The following IL23R variants were observed in gnomAD, a reference collection of about 807,000 sequenced individuals.
IL23R encodes the protein interleukin 23 receptor, also known as interleukin-23 receptor.
In IL23R, 34 loss-of-function variants were observed where a neutral mutation model predicts 56.9. That is an observed-to-expected ratio of 0.60 (90% confidence interval 0.45 to 0.80). IL23R has a LOEUF of 0.80. Among genes scored for constraint, IL23R ranks in the 30% least tolerant of loss-of-function variants. The pLI is 0.00. For missense variants in IL23R, 635 were observed against 730.0 expected (o/e 0.87, Z 1.50); for synonymous variants, 230 against 249.2 (o/e 0.92, Z 0.73).
Position 67,236,861 on chromosome 1 carries a change from C to G in IL23R, c.1045+59C>G, listed in dbSNP as rs1003608173. ...CTTTTAGTAATTGCCCATTTTAACC[C>G]ATCATACTGAAAAAATCACATCAGG... On this transcript the variant is annotated intron_variant, in intron 8 of 10. Transcript: ENST00000347310. The G allele has an allele frequency of 3.7e-6, 4 of 1,093,632 alleles. No homozygotes were observed. In the African/African-American group the frequency reaches 4.6e-5, roughly 13 times the overall value. 67.7% of individuals were successfully genotyped at this position (1,093,632 alleles called of 1,614,324 possible). A position where few individuals can be genotyped will look rare whatever the true frequency, so the allele number is the denominator to read the frequency against.
At chr1:67,209,539 A>T (rs988328786) in intron 6 of IL23R, among the ~76,000 whole-genome samples, 4 of 151,560 alleles carry the variant, frequency 2.6e-5, no homozygotes, top group Non-Finnish European at 4.4e-5. Flanking sequence ...CTTTTTCCTC[A>T]TTTTCTCTTG....
chr1:67,215,018 C>CT (rs1296402000), intron 6 of IL23R, among the ~76,000 whole-genome samples: 2 of 152,206 alleles, frequency 1.3e-5, no homozygotes, highest in Non-Finnish European at 2.9e-5. Context: ...CATGCAGCCT[C>CT]TGTCACGTAC....
intron 6 of IL23R, among the ~76,000 whole-genome samples, chr1:67,214,155 G>A (rs1052578642): frequency 3.3e-5 from 5 of 152,104 alleles, no homozygotes; most frequent in Admixed American, 2.0e-4. Flanking sequence ...CACTGCAGCC[G>A]GGGCAATACA....
intron 4 of IL23R, among the ~76,000 whole-genome samples, chr1:67,193,996 G>C (rs955097319): frequency 6.6e-6 from 1 of 152,196 alleles, no homozygotes; most frequent in African/African-American, 2.4e-5. Flanking sequence ...ACTTGCTAGA[G>C]TGTCTCATAG....
At chr1:67,178,912 A>G (rs914057777) in intron 3 of IL23R, among the ~76,000 whole-genome samples, 5 of 152,144 alleles carry the variant, frequency 3.3e-5, no homozygotes, top group Admixed American at 1.3e-4. Flanking sequence ...GATATGCTGG[A>G]TTACGTTTAT....
At chr1:67,238,016 C>T (rs148931826) in intron 8 of IL23R, among the ~76,000 whole-genome samples, 1 of 152,038 alleles carries the variant, frequency 6.6e-6, no homozygotes, top group Non-Finnish European at 1.5e-5. Flanking sequence ...GCAAACAAAA[C>T]AAGAAGAAAA....
chr1:67,152,942 T>A (rs982840443), intron 1 of IL23R, among the ~76,000 whole-genome samples: 4 of 152,202 alleles, frequency 2.6e-5, no homozygotes, highest in African/African-American at 9.7e-5. Flanking sequence ...GGTTTTGGTA[T>A]CAGGATGATG....
intron 4 of IL23R, among the ~76,000 whole-genome samples, chr1:67,195,474 G>A (rs1397160966): frequency 6.6e-6 from 1 of 152,150 alleles, no homozygotes; most frequent in Non-Finnish European, 1.5e-5. Context: ...AGTAAACTGA[G>A]CTGTATAGAG....
At chr1:67,186,912 C>T (rs1399767180) in intron 4 of IL23R, among the ~76,000 whole-genome samples, 11 of 152,134 alleles carry the variant, frequency 7.2e-5, no homozygotes, top group Admixed American at 3.9e-4. Context: ...TAAGCCAACG[C>T]GCCTGGCCCT....
chr1:67,247,726 A>G (rs113696539), intron 9 of IL23R, among the ~76,000 whole-genome samples: 1,531 of 152,212 alleles, frequency 0.01, 29 homozygotes, highest in African/African-American at 0.034. Context: ...GGTCTTTACA[A>G]TTTGGTATGT....
At chr1:67,235,580 A>G (rs879890159) in intron 7 of IL23R, among the ~76,000 whole-genome samples, 5 of 151,796 alleles carry the variant, frequency 3.3e-5, no homozygotes, top group Non-Finnish European at 7.4e-5. Context: ...TTTTAGTAGA[A>G]ACAGGGTTTC....
At chr1:67,188,639 C>T (rs984079869) in intron 4 of IL23R, among the ~76,000 whole-genome samples, 5 of 152,140 alleles carry the variant, frequency 3.3e-5, no homozygotes, top group East Asian at 1.9e-4. Flanking sequence ...ACCTAGACTG[C>T]GTAATTTGTA....
the IL23R span, among the ~76,000 whole-genome samples, chr1:67,265,654 T>G: frequency 6.6e-6 from 1 of 152,336 alleles, no homozygotes; most frequent in South Asian, 2.1e-4. Context: ...CATATGTTTA[T>G]ACACATATAA....
intron 3 of IL23R, among the ~76,000 whole-genome samples, chr1:67,175,176 C>T (rs1405567384): frequency 2.6e-5 from 4 of 151,846 alleles, no homozygotes; most frequent in South Asian, 2.1e-4. Context: ...GAGGGAAAGA[C>T]GCTAGCCAAT....
At chr1:67,264,738 TTAAGA>T (rs1408491936), downstream of IL23R, among the ~76,000 whole-genome samples, 9 of 152,238 alleles carry the variant, frequency 5.9e-5, no homozygotes, top group Non-Finnish European at 1.5e-5. Flanking sequence ...ACTTTTCAAC[TTAAGA>T]TAACCACACT....
At chr1:67,159,849 G>A (rs969169161) in intron 1 of IL23R, among the ~76,000 whole-genome samples, 3 of 152,294 alleles carry the variant, frequency 2.0e-5, no homozygotes, top group Middle Eastern at 3.4e-3. Context: ...GCTAAAGCAG[G>A]TAGAGCTGTA....
At chr1:67,218,372 A>ATATG (rs1167120533) in intron 6 of IL23R, among the ~76,000 whole-genome samples, 1 of 149,742 alleles carries the variant, frequency 6.7e-6, no homozygotes, top group African/African-American at 2.5e-5. Flanking sequence ...ATATATATAT[A>ATATG]TGTATGTATT....
At chr1:67,217,759 A>G (rs1649941034) in intron 6 of IL23R, among the ~76,000 whole-genome samples, 1 of 151,522 alleles carries the variant, frequency 6.6e-6, no homozygotes, top group Non-Finnish European at 1.5e-5. Context: ...TCAATAGACA[A>G]AACTATTCTA....
chr1:67,227,816 A>T (rs542275364), intron 7 of IL23R, among the ~76,000 whole-genome samples: 18 of 152,204 alleles, frequency 1.2e-4, no homozygotes, highest in African/African-American at 4.3e-4. Flanking sequence ...TAGACTTTTC[A>T]TTTGGGTTTA....
Sources: allele counts gnomAD v4.1 joint callset (sites outside exome capture counted in the v4.1 genomes callset), GRCh38; gene constraint gnomAD v4.1.1; transcripts MANE v1.5; gene names NCBI Gene and HGNC (gene_info 2026-07-23, HGNC 2026-07-21).